The following CPNE4 variants were observed in gnomAD, a reference collection of about 807,000 sequenced individuals.
The protein encoded by CPNE4 is copine 4.
In CPNE4, 25 loss-of-function variants were observed where a neutral mutation model predicts 67.9. The observed-to-expected ratio is 0.37, with a 90% CI of 0.27 to 0.51. The LOEUF (loss-of-function observed/expected upper bound fraction) is 0.51. CPNE4 is among the 20% of genes least tolerant of loss of function. The pLI, the probability that CPNE4 is intolerant of heterozygous loss-of-function variation, is 0.93. For missense variants in CPNE4, 464 were observed against 690.8 expected, an observed-to-expected ratio of 0.67 and a Z score of 3.68; for synonymous variants, 242 against 244.9, an observed-to-expected ratio of 0.99 and a Z score of 0.11.
At chr3:131,537,376 C>T (rs544313820) in intron 15 of CPNE4, among the ~76,000 whole-genome samples, 5 of 151,416 alleles carry the variant, frequency 3.3e-5, no homozygotes, top group East Asian at 3.9e-4. Flanking sequence ...CTCCGCTTCC[C>T]GGATTCAAGC....
At chr3:131,866,882 C>G (rs2086975619) in intron 2 of CPNE4, among the ~76,000 whole-genome samples, 1 of 152,138 alleles carries the variant, frequency 6.6e-6, no homozygotes, top group Non-Finnish European at 1.5e-5. Flanking sequence ...AAGACAAAGG[C>G]ATACAACCTG....
intron 1 of CPNE4, among the ~76,000 whole-genome samples, chr3:131,977,532 C>T (rs974848710): frequency 6.6e-6 from 1 of 151,948 alleles, no homozygotes; most frequent in Admixed American, 6.6e-5. Context: ...ATCTAGCCAC[C>T]TCCCATACCA....
chr3:131,848,982 A>C (rs1414210572), intron 2 of CPNE4, among the ~76,000 whole-genome samples: 2 of 139,508 alleles, frequency 1.4e-5, no homozygotes, highest in Non-Finnish European at 3.1e-5. Context: ...AAAAAAAAAA[A>C]CACAGAGATA....
chr3:131,926,087 G>A (rs1456665927), intron 1 of CPNE4, among the ~76,000 whole-genome samples: 4 of 152,156 alleles, frequency 2.6e-5, no homozygotes, highest in African/African-American at 9.7e-5. Flanking sequence ...TTAAAGGTAA[G>A]TAATAAGATG....
rs184300003 is a variant in CPNE4, at chr3:131,876,501, A to G, written c.180+28763T>C. On this transcript the variant is annotated intron_variant, in intron 2 of 15. Transcript: ENST00000429747. ...ACTAAAAATAGAAAAGATTAGCCAGATGTGGTGGCGGGCGCCTGTAGTCCC... is the reference window on the plus strand; with the variant it reads ...ACTAAAAATAGAAAAGATTAGCCAGGTGTGGTGGCGGGCGCCTGTAGTCCC... Among the ~76,000 whole-genome samples, 419 of 149,564 alleles carry G rather than the reference A, an allele frequency of 2.8e-3. 2 individuals carry two copies. Among genetic ancestry groups the G allele is most frequent in the African/African-American group, 9.7e-3 (396 of 40,660 alleles).
chr3:131,597,900 G>T (rs1485622224), intron 7 of CPNE4, among the ~76,000 whole-genome samples: 6 of 152,182 alleles, frequency 3.9e-5, no homozygotes. Flanking sequence ...GCACAAGTAA[G>T]AACTCAGATA....
At chr3:131,682,997 T>C (rs1366738107) in intron 6 of CPNE4, among the ~76,000 whole-genome samples, 1 of 151,998 alleles carries the variant, frequency 6.6e-6, no homozygotes, top group Non-Finnish European at 1.5e-5. Context: ...CAGCTTGTGG[T>C]GAATGCTCCC....
intron 1 of CPNE4, among the ~76,000 whole-genome samples, chr3:131,911,325 G>T (rs2088966373): frequency 6.6e-6 from 1 of 152,124 alleles, no homozygotes; most frequent in Admixed American, 6.6e-5. Context: ...TCATTCTCCA[G>T]TTGAACCTCA....
rs1263673019 is a variant in CPNE4 at position 131,916,281 on chromosome 3, C to A, written c.-1-10837G>T. 3.4e-5 allele frequency among the ~76,000 whole-genome samples: 5 copies of A among 148,072 alleles called. No individual in the cohort carries two copies. The Admixed American group carries it at 3.4e-4, about 10-fold the overall frequency. On this transcript the variant is annotated intron_variant, in intron 1 of 15. Coordinates refer to ENST00000429747, the MANE Select transcript of CPNE4 (RefSeq NM_130808.3). ...TCTTAATAAAATCATAGTTTGGATTCTTCCACTAGGGTCACGTTAACAGGA... is the reference window on the plus strand; with the variant it reads ...TCTTAATAAAATCATAGTTTGGATTATTCCACTAGGGTCACGTTAACAGGA...
intron 1 of CPNE4, among the ~76,000 whole-genome samples, chr3:132,008,478 C>T (rs1295584337): frequency 6.6e-6 from 1 of 152,166 alleles, no homozygotes; most frequent in Admixed American, 6.5e-5. Flanking sequence ...AGCTCAGAGA[C>T]CTTAAGCAAC....
At chr3:131,814,749 C>G (rs574812304) in intron 2 of CPNE4, among the ~76,000 whole-genome samples, 1 of 142,748 alleles carries the variant, frequency 7.0e-6, no homozygotes, top group Non-Finnish European at 1.5e-5. Context: ...GGACTACAGG[C>G]GCCCGCCACT....
At chr3:131,571,510 G>C (rs1937337000) in intron 10 of CPNE4, among the ~76,000 whole-genome samples, 1 of 151,996 alleles carries the variant, frequency 6.6e-6, no homozygotes, top group African/African-American at 2.4e-5. Context: ...GTATTTCCCT[G>C]ACCAGGTCCA....
At chr3:131,681,069 G>A (rs2080739566) in intron 6 of CPNE4, among the ~76,000 whole-genome samples, 1 of 152,160 alleles carries the variant, frequency 6.6e-6, no homozygotes, top group Non-Finnish European at 1.5e-5. Flanking sequence ...CTCATTGACT[G>A]ATAGACATTT....
chr3:131,790,887 TAATAC>T (rs909961921), intron 2 of CPNE4, among the ~76,000 whole-genome samples: 3 of 152,190 alleles, frequency 2.0e-5, no homozygotes, highest in Non-Finnish European at 4.4e-5. Context: ...AATTTTAGCC[TAATAC>T]AATACAATTT....
intron 15 of CPNE4, among the ~76,000 whole-genome samples, chr3:131,542,280 T>G (rs1286168617): frequency 1.3e-5 from 2 of 152,102 alleles, no homozygotes; most frequent in South Asian, 2.1e-4. Flanking sequence ...TCAGTGAAAT[T>G]TTGCCTACAA....
upstream of CPNE4, chr3:132,035,215 CT>C (rs1318706597): frequency 5.5e-6 from 1 of 180,844 alleles, no homozygotes; most frequent in Non-Finnish European, 1.1e-5. Flanking sequence ...CTCAACTGAG[CT>C]CCTGGGGACA....
intron 1 of CPNE4, among the ~76,000 whole-genome samples, chr3:131,961,932 C>T (rs2072193621): frequency 6.6e-6 from 1 of 152,236 alleles, no homozygotes; most frequent in South Asian, 2.1e-4. Flanking sequence ...ACCCATTCTA[C>T]TTCCAAACGT....
At chr3:131,960,558 T>C (rs1321403516) in intron 1 of CPNE4, among the ~76,000 whole-genome samples, 2 of 152,164 alleles carry the variant, frequency 1.3e-5, no homozygotes, top group African/African-American at 4.8e-5. Context: ...GTTACAAGAT[T>C]ATAGTTCCCC....
intron 10 of CPNE4, among the ~76,000 whole-genome samples, chr3:131,570,335 T>A (rs147052080): frequency 0.05 from 7,564 of 150,958 alleles, 621 homozygotes; most frequent in African/African-American, 0.17. Context: ...TTATTTATTT[T>A]TTTAAAATTT....
Sources: gnomAD v4.1 joint callset for allele counts (sites outside exome capture counted in the v4.1 genomes callset) on GRCh38, gnomAD v4.1.1 for gene constraint, MANE v1.5 for transcripts, NCBI Gene and HGNC (gene_info 2026-07-23, HGNC 2026-07-21) for gene names.